NPRL3: variants seen among roughly 807,000 people sequenced by gnomAD.
NPRL3 encodes GATOR1 complex protein NPRL3.
In NPRL3, 23 loss-of-function variants were observed where a neutral mutation model predicts 57.2. The ratio of observed to expected loss-of-function variants is 0.40; its 90% CI spans 0.29 to 0.57. The LOEUF is 0.57. Ranked by LOEUF, NPRL3 falls within the 20% of genes least tolerant of loss-of-function variation. The probability of loss-of-function intolerance (pLI) is 0.42; values close to 1 mark genes in which losing one functional copy is unlikely to be tolerated. For missense variants in NPRL3, 691 were observed against 767.1 expected (o/e 0.90, Z 1.17); for synonymous variants, 333 against 321.1 (o/e 1.04, Z -0.39).
intron 5 of NPRL3, among the ~76,000 whole-genome samples, chr16:115,765 C>T (rs1312006335): frequency 2.6e-5 from 4 of 152,168 alleles, no homozygotes; most frequent in African/African-American, 7.2e-5. Flanking sequence ...GTATTACAGG[C>T]GTAAGCATTT....
At chr16:100,846 C>T (rs1899263081) in intron 7 of NPRL3, among the ~76,000 whole-genome samples, 1 of 150,344 alleles carries the variant, frequency 6.7e-6, no homozygotes. Context: ...TGGCGGGCGC[C>T]TGTAGTCCCA....
chr16:91,723 G>A (rs1898771271), intron 11 of NPRL3, among the ~76,000 whole-genome samples: 1 of 152,232 alleles, frequency 6.6e-6, no homozygotes, highest in African/African-American at 2.4e-5. Flanking sequence ...CGTAATTTGA[G>A]AACGGAAAGG....
chr16:95,364 CACACACACACA>C (rs1567132337), intron 9 of NPRL3, among the ~76,000 whole-genome samples: 1 of 146,110 alleles, frequency 6.8e-6, no homozygotes, highest in African/African-American at 2.5e-5. Flanking sequence ...CACACACACA[CACACACACACA>C]CACACACACA....
In NPRL3 at chr16:89,285, C is replaced by T. The variant is rs555984500; in HGVS notation, c.1352-395G>A. ...CCAAGGGGGGACTTTCAAAGTCTTC[C>T]ACCCCCTTCCTTCCCCAAGCCTGGG... On this transcript the variant is annotated intron_variant, in intron 12 of 13. Transcript: ENST00000611875. 4.1e-5 allele frequency: 11 copies of T among 269,726 alleles called. No homozygotes were observed. The South Asian group carries it at 8.1e-4, about 20-fold the overall frequency. 16.7% of individuals were successfully genotyped at this position (269,726 alleles called of 1,614,324 possible).
chr16:123,518 T>C (rs1444100950), intron 3 of NPRL3: 5 of 470,854 alleles, frequency 1.1e-5, no homozygotes, highest in Admixed American at 4.7e-5. Context: ...CTGCAACCAA[T>C]TGCTCATCGG....
At chr16:87,016 C>A in intron 13 of NPRL3, 146 bp from the exon 14 acceptor site, 1 of 818,966 alleles carries the variant, frequency 1.2e-6, no homozygotes. Flanking sequence ...CCACCACAGC[C>A]CCCCAACAAG....
chr16:98,435 G>C lies in NPRL3; in HGVS notation c.768-134C>G, dbSNP rs1596505980. Reference sequence around the variant, plus strand: ...CAGGTATGCACCGGGTATGCACCAGGTATGCACCTGGGACTCAAACACACG... The same window carrying C: ...CAGGTATGCACCGGGTATGCACCAGCTATGCACCTGGGACTCAAACACACG... On this transcript the variant is annotated intron_variant, in intron 8 of 13. Transcript: ENST00000611875. The C allele has an allele frequency of 4.1e-6, 4 of 965,436 alleles. No individual in the cohort carries two copies. In the East Asian group the frequency reaches 8.0e-5, roughly 19 times the overall value. The allele number at this position is 965,436 out of a possible 1,614,324, so 59.8% of individuals were successfully genotyped here.
At chr16:137,293 C>A (rs1901141811) in intron 2 of NPRL3, among the ~76,000 whole-genome samples, 1 of 152,192 alleles carries the variant, frequency 6.6e-6, no homozygotes, top group Non-Finnish European at 1.5e-5. Context: ...TACATGCCGT[C>A]CACAGGGGAA....
At chr16:92,766 C>T in intron 10 of NPRL3, 41 bp from the exon 11 acceptor site, 1 of 1,607,400 alleles carries the variant, frequency 6.2e-7, no homozygotes, top group Non-Finnish European at 8.5e-7. Context: ...AGCAGACCCC[C>T]CCACCGTGTT....
chr16:86,806 G>T lies in NPRL3; in HGVS notation c.1609C>A (p.Arg537Ser). 6.2e-7 allele frequency: 1 copy of T among 1,612,308 alleles called. No individual in the cohort carries two copies. ...EEIMYNENTR[R>S]SQLLMLFDKF... Reference sequence around the variant, plus strand: ...TCAAACAGCATGAGCAGCTGGGAGCGCCGCGTGTTCTCGTTGTACATAATC... The same window carrying T: ...TCAAACAGCATGAGCAGCTGGGAGCTCCGCGTGTTCTCGTTGTACATAATC... Residue 537 changes from arginine to serine, a missense_variant, in exon 14 of 14, where the codon CGC becomes AGC. By Grantham distance (110) the Arg-to-Ser change is moderately radical. Transcript: ENST00000611875.
chr16:89,281 C>T (rs1267847258), intron 12 of NPRL3: 1 of 268,772 alleles, frequency 3.7e-6, no homozygotes. Flanking sequence ...CTTTCAAAGT[C>T]TTCCACCCCC....
intron 7 of NPRL3, among the ~76,000 whole-genome samples, chr16:109,550 C>T (rs1211212766): frequency 6.6e-6 from 1 of 152,176 alleles, no homozygotes; most frequent in Non-Finnish European, 1.5e-5. Flanking sequence ...TTTAAAAACA[C>T]TTTCGGACTC....
In NPRL3 at chr16:112,733, A is replaced by C. The variant is rs1429050749; in HGVS notation, c.436T>G (p.Ser146Ala). 6.2e-7 allele frequency: 1 copy of C among 1,612,138 alleles called. No homozygotes were observed. The highest frequency in any genetic ancestry group is 2.2e-5 in the East Asian group (1 of 44,852). ...TGCAGCACGGTGGCGATACGACGGG[A>C]CAGGTTATGCAGACAGTTTATCACT... Reference protein sequence around the residue: ...PSVINCLHNLSRRIATVLQHE... With the variant: ...PSVINCLHNLARRIATVLQHE... Residue 146 changes from serine to alanine, a missense_variant, in exon 6 of 14, where the codon TCC (serine) becomes GCC (alanine). Transcript: ENST00000611875.
At chr16:124,645 C>A (rs1264587934) in intron 3 of NPRL3, among the ~76,000 whole-genome samples, 1 of 152,250 alleles carries the variant, frequency 6.6e-6, no homozygotes, top group African/African-American at 2.4e-5. Context: ...TCTTGAGATA[C>A]TGTGACTGCC....
Position 138,362 on chromosome 16 carries a change from G to A in NPRL3, c.-67-28C>T, listed in dbSNP as rs893954608. The A allele has an allele frequency of 3.6e-5, 35 of 984,704 alleles. No individual in the cohort carries two copies. In the East Asian group the frequency reaches 8.6e-4, roughly 24 times the overall value. The allele number at this position is 984,704 out of a possible 1,614,324, so 61.0% of individuals were successfully genotyped here. A position where few individuals can be genotyped will look rare whatever the true frequency, so the allele number is the denominator to read the frequency against. On this transcript the variant is annotated intron_variant, in intron 1 of 13. Coordinates refer to ENST00000611875, the MANE Select transcript of NPRL3 (RefSeq NM_001077350.3). ...GAGGAGGACGGAGCCGGAGGCGGAG[G>A]GGGCCTGAGGAGGACGAGGCGGGGA...
chr16:96,620 G>A (rs1899016573), intron 9 of NPRL3, among the ~76,000 whole-genome samples: 2 of 142,852 alleles, frequency 1.4e-5, no homozygotes, highest in African/African-American at 5.6e-5. Flanking sequence ...AGGCCAGCCA[G>A]GGCAACATAG....
At position 89,795 on chromosome 16, in the gene NPRL3, C is replaced by T. The variant is rs762331419; in HGVS notation, c.1269G>A (p.Pro423=). The change falls in exon 12 of 14, where the codon CCG becomes CCA. Residue 423 remains proline (P), a synonymous_variant. Coordinates refer to ENST00000611875, the MANE Select transcript of NPRL3 (RefSeq NM_001077350.3). ...CAGTGAAGGGGACGTCGTCCTCTCG[C>T]GGACGGGGCTCCTCCTCGCTGGGTG... The part of the protein sequence containing the change: ...MASPSEEEPR[P]REDDVPFTAR... 2.3e-5 allele frequency: 37 copies of T among 1,599,164 alleles called. No homozygotes were observed. The highest frequency in any genetic ancestry group is 1.7e-4 in the Middle Eastern group (1 of 6,044).
At chr16:88,964 C>G in intron 12 of NPRL3, 74 bp from the exon 13 acceptor site, 1 of 1,391,296 alleles carries the variant, frequency 7.2e-7, no homozygotes, top group South Asian at 1.3e-5. Context: ...GCAGAGCCAG[C>G]AGCCAGCCTC....
In NPRL3 at chr16:86,465, C is replaced by T. The variant is rs905963150; in HGVS notation, c.*240G>A. On this transcript the variant is annotated 3_prime_UTR_variant, in exon 14 of 14. Transcript: ENST00000611875. ...CCCCTCCAGCGTGGAGATGCCTACG[C>T]GTGCGGCAAGGACTGGAGGGAAGCG... is the stretch of plus-strand genomic sequence containing the variant. 6 of 505,758 alleles carry T rather than the reference C, an allele frequency of 1.2e-5. No individual in the cohort carries two copies. The highest frequency in any genetic ancestry group is 3.3e-5 in the Admixed American group (1 of 30,564). 31.3% of individuals were successfully genotyped at this position (505,758 alleles called of 1,614,324 possible). A position where few individuals can be genotyped will look rare whatever the true frequency, so the allele number is the denominator to read the frequency against.
Sources: allele counts gnomAD v4.1 joint callset (sites outside exome capture counted in the v4.1 genomes callset), GRCh38; gene constraint gnomAD v4.1.1; transcripts MANE v1.5; gene names NCBI Gene and HGNC (gene_info 2026-07-23, HGNC 2026-07-21).